ALX1: variants seen among roughly 807,000 people sequenced by gnomAD.
ALX1 encodes the protein ALX homeobox 1.
ALX1 carries 19 observed loss-of-function variants against 31.7 expected under a neutral mutation model. The observed-to-expected ratio is 0.60, with a 90% CI of 0.42 to 0.88. ALX1 has a LOEUF of 0.88. Among genes scored for constraint, ALX1 ranks in the 40% least tolerant of loss-of-function variants. The probability of loss-of-function intolerance (pLI) is 0.00; values close to 1 mark genes in which losing one functional copy is unlikely to be tolerated. For synonymous variants in ALX1, 153 were observed against 148.8 expected, an observed-to-expected ratio of 1.03 and a Z score of -0.20; for missense variants, 415 against 407.8, an observed-to-expected ratio of 1.02 and a Z score of -0.15.
chr12:85,299,260 C>T (rs1896929011), intron 3 of ALX1, among the ~76,000 whole-genome samples: 1 of 150,792 alleles, frequency 6.6e-6, no homozygotes, highest in African/African-American at 2.4e-5. Context: ...GAAAATCACG[C>T]AGATGAAGTT....
At chr12:85,287,969 A>G (rs556895504) in intron 3 of ALX1, among the ~76,000 whole-genome samples, 38 of 151,600 alleles carry the variant, frequency 2.5e-4, no homozygotes, top group Non-Finnish European at 4.4e-4. Flanking sequence ...CTTCAACACT[A>G]TGAGTACAAA....
chr12:85,294,297 C>G (rs1896857598), intron 3 of ALX1, among the ~76,000 whole-genome samples: 2 of 151,068 alleles, frequency 1.3e-5, no homozygotes, highest in South Asian at 4.2e-4. Flanking sequence ...ACTGATGAAT[C>G]AGCAATAGCT....
intron 3 of ALX1, among the ~76,000 whole-genome samples, chr12:85,299,329 A>G (rs1221940158): frequency 6.6e-6 from 1 of 151,694 alleles, no homozygotes; most frequent in Non-Finnish European, 1.5e-5. Flanking sequence ...TTTGATATAC[A>G]TAACTCAGCA....
chr12:85,301,491 T>C lies in ALX1; in HGVS notation c.*16T>C. 6.2e-7 allele frequency: 1 copy of C among 1,611,368 alleles called. No individual in the cohort carries two copies. Among genetic ancestry groups the C allele is most frequent in the Non-Finnish European group, 8.5e-7 (1 of 1,178,740 alleles). The stretch of plus-strand genomic sequence containing the variant: ...GGCCATGTAACATACAGTACTCTTT[T>C]ATTTTTCTTTTAATAGCAAAGTTAA... On this transcript the variant is annotated 3_prime_UTR_variant, in exon 4 of 4. Coordinates refer to ENST00000316824, the MANE Select transcript of ALX1 (RefSeq NM_006982.3).
At chr12:85,280,546 G>T in intron 1 of ALX1, 59 bp downstream of exon 1, 2 of 1,551,742 alleles carry the variant, frequency 1.3e-6, no homozygotes, top group Non-Finnish European at 1.8e-6. Flanking sequence ...GAAAATGCAG[G>T]ATCGGTCTGA....
At position 85,301,367 on chromosome 12, in the gene ALX1, T is replaced by C. The variant is rs763427495; in HGVS notation, c.873T>C (p.Asn291=). The part of the protein sequence containing the change: ...FTDSLLTGAT[N]GHAFETKPEF... Reference sequence around the variant, plus strand: ...ACTCTCTTCTTACTGGGGCAACCAATGGACATGCATTTGAAACAAAGCCAG... The same window carrying C: ...ACTCTCTTCTTACTGGGGCAACCAACGGACATGCATTTGAAACAAAGCCAG... The change falls in exon 4 of 4, where the codon AAT becomes AAC. Residue 291 remains asparagine, a synonymous_variant. Transcript: ENST00000316824. 6 of 1,614,046 alleles carry C rather than the reference T, an allele frequency of 3.7e-6. No individual in the cohort carries two copies. Among genetic ancestry groups the C allele is most frequent in the Non-Finnish European group, 5.1e-6 (6 of 1,179,966 alleles).
Position 85,286,868 on chromosome 12 carries a change from C to T in ALX1, c.547C>T (p.Arg183Ter), listed in dbSNP as rs150997122. The T allele has an allele frequency of 6.2e-7, 1 of 1,608,028 alleles. No homozygotes were observed. The highest frequency in any genetic ancestry group is 1.1e-5 in the South Asian group (1 of 90,154). The stretch of plus-strand genomic sequence containing the variant: ...AAATAATTAGGTTTGGTTTCAAAAT[C>T]GAAGGGCCAAATGGAGAAAAAGGGA... ...EARVQVWFQN[R>*]RAKWRKRERY... The change falls in exon 3 of 4, where the codon CGA becomes TGA. Residue 183 changes from arginine (R) to a stop codon, truncating the protein, a stop_gained. Coordinates refer to ENST00000316824, the MANE Select transcript of ALX1 (RefSeq NM_006982.3). LOFTEE classifies it high-confidence loss of function.
chr12:85,293,150 T>C (rs982109108), intron 3 of ALX1, among the ~76,000 whole-genome samples: 1 of 150,384 alleles, frequency 6.6e-6, no homozygotes, highest in Non-Finnish European at 1.5e-5. Context: ...ACAGAAGAAA[T>C]ATAATGATAA....
chr12:85,301,064 T>A (rs781267792), intron 3 of ALX1, 91 bp from the exon 4 acceptor site: 18 of 1,449,034 alleles, frequency 1.2e-5, no homozygotes, highest in Non-Finnish European at 1.4e-5. Flanking sequence ...CAATGAATAG[T>A]TAACCAAATT....
At position 85,301,092 on chromosome 12, in the gene ALX1, C is replaced by A. The variant is rs1220741013; in HGVS notation, c.661-63C>A. The A allele has an allele frequency of 1.9e-6, 3 of 1,590,756 alleles. No individual in the cohort carries two copies. The African/African-American group carries it at 4.0e-5, about 21-fold the overall frequency. Reference sequence around the variant, plus strand: ...ACCAAATTTAGTAAATACAACTTAACAAAAGTAAGAGAACAAAAGTGAGAA... The same window carrying A: ...ACCAAATTTAGTAAATACAACTTAAAAAAAGTAAGAGAACAAAAGTGAGAA... On this transcript the variant is annotated intron_variant, in intron 3 of 3. Transcript: ENST00000316824.
chr12:85,280,599 C>T, intron 1 of ALX1, 112 bp downstream of exon 1: 1 of 1,206,328 alleles, frequency 8.3e-7, no homozygotes, highest in Non-Finnish European at 1.2e-6. Context: ...AGCGAGGGAC[C>T]TGGAAGGTGG....
chr12:85,290,327 T>C (rs1224448647), intron 3 of ALX1, among the ~76,000 whole-genome samples: 1 of 151,218 alleles, frequency 6.6e-6, no homozygotes, highest in Non-Finnish European at 1.5e-5. Flanking sequence ...CTGTTTAATT[T>C]AAGCTCAGGT....
chr12:85,280,447 C>G lies in ALX1; in HGVS notation c.186C>G (p.His62Gln), dbSNP rs772972571. The G allele has an allele frequency of 2.2e-5, 35 of 1,611,944 alleles. No homozygotes were observed. In the African/African-American group the frequency reaches 4.0e-4, roughly 18 times the overall value. Residue 62 changes from histidine to glutamine, a missense_variant, in exon 1 of 4, where the codon CAC becomes CAG. Physicochemically the swap from His to Gln is conservative, Grantham distance 24 (BLOSUM62 0). Transcript: ENST00000316824. Reference protein sequence around the residue: ...AFGPLPRAEHHVRLERTSPCQ... With the variant: ...AFGPLPRAEHQVRLERTSPCQ... Reference sequence around the variant, plus strand: ...GACCCCTGCCCCGCGCCGAGCATCACGTGCGCTTGGAGAGGACCTCGCCCT... The same window carrying G: ...GACCCCTGCCCCGCGCCGAGCATCAGGTGCGCTTGGAGAGGACCTCGCCCT...
intron 1 of ALX1, among the ~76,000 whole-genome samples, chr12:85,282,898 A>T (rs1417616541): frequency 9.6e-6 from 1 of 103,862 alleles, no homozygotes; most frequent in East Asian, 3.0e-4. Flanking sequence ...GTTTTTAGGT[A>T]AAAAAAAAAA....
At chr12:85,284,675 T>C (rs995005461) in intron 2 of ALX1, among the ~76,000 whole-genome samples, 2 of 152,144 alleles carry the variant, frequency 1.3e-5, no homozygotes, top group African/African-American at 4.8e-5. Flanking sequence ...AAATTTTACC[T>C]CTTAGGAGTA....
At chr12:85,288,693 C>A (rs1446111432) in intron 3 of ALX1, among the ~76,000 whole-genome samples, 14 of 151,470 alleles carry the variant, frequency 9.2e-5, no homozygotes, top group Non-Finnish European at 2.1e-4. Flanking sequence ...CTAGGTGTTA[C>A]TAATTGTCTC....
Position 85,292,706 on chromosome 12 carries a change from T to C in ALX1, c.660+5725T>C, listed in dbSNP as rs964379500. ...TCATGTAATAGTAGTTCCCATATAA[T>C]AGACTGTAGACATATTGCTTATCTA... On this transcript the variant is annotated intron_variant, in intron 3 of 3. Coordinates refer to ENST00000316824, the MANE Select transcript of ALX1 (RefSeq NM_006982.3). Among the ~76,000 whole-genome samples the C allele has an allele frequency of 3.3e-5, 5 of 150,930 alleles. No individual in the cohort carries two copies. In the East Asian group the frequency reaches 9.6e-4, roughly 29 times the overall value.
chr12:85,285,792 TGAA>T (rs1397003407), intron 2 of ALX1, among the ~76,000 whole-genome samples: 1 of 151,918 alleles, frequency 6.6e-6, no homozygotes, highest in Non-Finnish European at 1.5e-5. Flanking sequence ...CATAATTGTG[TGAA>T]GAAGACTAGA....
chr12:85,281,320 T>C (rs1386673580), intron 1 of ALX1, among the ~76,000 whole-genome samples: 5 of 152,224 alleles, frequency 3.3e-5, no homozygotes, highest in African/African-American at 4.8e-5. Context: ...ACAAACCATC[T>C]ATCTTTTCTA....
Sources: allele counts gnomAD v4.1 joint callset (sites outside exome capture counted in the v4.1 genomes callset), GRCh38; gene constraint gnomAD v4.1.1; transcripts MANE v1.5; gene names NCBI Gene and HGNC (gene_info 2026-07-23, HGNC 2026-07-21).